Variants in ST3GAL3 observed in about 807,000 individuals in gnomAD.
The protein encoded by ST3GAL3 is CMP-N-acetylneuraminate-beta-1,4-galactoside alpha-2,3-sialyltransferase.
Under a neutral mutation model 50.1 loss-of-function variants are expected in ST3GAL3, and 21 were observed. That is an observed-to-expected ratio of 0.42 (90% CI 0.30 to 0.60). The LOEUF is 0.60. ST3GAL3 is among the 20% of genes least tolerant of loss of function. The probability of loss-of-function intolerance (pLI) is 0.19; values close to 1 mark genes in which losing one functional copy is unlikely to be tolerated. For synonymous variants in ST3GAL3, 183 were observed against 190.0 expected (o/e 0.96, Z 0.30); for missense variants, 353 against 489.4 (o/e 0.72, Z 2.63).
At chr1:43,920,998 G>C in intron 11 of ST3GAL3, 70 bp downstream of exon 11, 1 of 1,531,758 alleles carries the variant, frequency 6.5e-7, no homozygotes, top group Non-Finnish European at 8.8e-7. Context: ...AGTAGTAAAG[G>C]GAGGAGCCAG....
At chr1:43,711,592 A>G (rs1045152268) in intron 1 of ST3GAL3, among the ~76,000 whole-genome samples, 2 of 152,248 alleles carry the variant, frequency 1.3e-5, no homozygotes. Context: ...AAACATTGAC[A>G]GTAGCAAGAA....
rs755042649 is a variant in ST3GAL3, at chr1:43,920,793, C to T, written c.903C>T (p.Thr301=). 6.2e-7 allele frequency: 1 copy of T among 1,614,034 alleles called. No homozygotes were observed. Among genetic ancestry groups the T allele is most frequent in the Non-Finnish European group, 8.5e-7 (1 of 1,180,036 alleles). ...NGLMGRGNIP[T]LGSVAVTMAL... Reference sequence around the variant, plus strand: ...CCCCCGTCTTCTAGAACATCCCTACCCTTGGCAGTGTGGCAGTGACCATGG... The same window carrying T: ...CCCCCGTCTTCTAGAACATCCCTACTCTTGGCAGTGTGGCAGTGACCATGG... The change falls in exon 11 of 12, where the codon ACC becomes ACT. Residue 301 remains threonine, a synonymous_variant. Transcript: ENST00000347631.
At chr1:43,713,151 A>C (rs1451071176) in intron 1 of ST3GAL3, among the ~76,000 whole-genome samples, 1 of 152,212 alleles carries the variant, frequency 6.6e-6, no homozygotes, top group African/African-American at 2.4e-5. Flanking sequence ...ACGGAAGGAT[A>C]GTTACGCTGG....
intron 1 of ST3GAL3, among the ~76,000 whole-genome samples, chr1:43,730,749 T>C (rs549354194): frequency 1.6e-4 from 25 of 151,860 alleles, no homozygotes; most frequent in Non-Finnish European, 2.6e-4. Context: ...TTTTAATTTT[T>C]TTCTGGAGAC....
chr1:43,744,655 AAAATAAATAAATAAAT>A (rs71036638), intron 2 of ST3GAL3, among the ~76,000 whole-genome samples: 46 of 140,962 alleles, frequency 3.3e-4, no homozygotes, highest in African/African-American at 1.1e-3. Context: ...TCCCTCTCAA[AAAATAAATAAATAAAT>A]AAATAAATAA....
chr1:43,805,942 G>A (rs548992399), intron 3 of ST3GAL3, among the ~76,000 whole-genome samples: 106 of 152,078 alleles, frequency 7.0e-4, no homozygotes, highest in Non-Finnish European at 1.1e-3. Context: ...CACCGTGTTG[G>A]TCAGGCTGGT....
chr1:43,883,910 A>G (rs2075561956), intron 5 of ST3GAL3, among the ~76,000 whole-genome samples: 1 of 152,208 alleles, frequency 6.6e-6, no homozygotes, highest in Admixed American at 6.5e-5. Context: ...CAGCTTTGCC[A>G]TTATCTCCTT....
intron 2 of ST3GAL3, among the ~76,000 whole-genome samples, chr1:43,741,289 C>T (rs1345430433): frequency 2.6e-5 from 4 of 152,114 alleles, no homozygotes; most frequent in Admixed American, 1.3e-4. Context: ...GCTGTGGTCA[C>T]GCCACTGTAC....
At chr1:43,787,070 C>T (rs16831180) in intron 2 of ST3GAL3, among the ~76,000 whole-genome samples, 3,139 of 152,282 alleles carry the variant, frequency 0.021, 108 homozygotes, top group African/African-American at 0.072. Flanking sequence ...TATTCCACTT[C>T]GGAAACCAGA....
At position 43,899,181 on chromosome 1, in the gene ST3GAL3, C is replaced by T. The variant is rs1558784546; in HGVS notation, c.475C>T (p.Arg159Cys). The change falls in exon 8 of 12, where the codon CGC becomes TGC. Residue 159 changes from arginine (R) to cysteine (C), a missense_variant. By Grantham distance (180) the Arg-to-Cys change is radical. Transcript: ENST00000347631. The surrounding 1 kb of genome is among the most constrained non-coding windows in gnomAD (Gnocchi z 5.4). ...TPALDSLRCR[R>C]CIIVGNGGVL... is the part of the protein sequence containing the mutation. ...CTCTCCCCTCAGCCTCCGCTGCCGC[C>T]GCTGCATCATCGTGGGCAATGGAGG... is the stretch of plus-strand genomic sequence containing the variant. 6 of 1,614,050 alleles carry T rather than the reference C, an allele frequency of 3.7e-6. No individual in the cohort carries two copies. Among genetic ancestry groups the T allele is most frequent in the Admixed American group, 1.7e-5 (1 of 60,016 alleles).
intron 1 of ST3GAL3, chr1:43,709,607 C>T (rs1240809861): frequency 6.6e-6 from 1 of 151,854 alleles, no homozygotes; most frequent in African/African-American, 2.4e-5. Flanking sequence ...TCTTGAACTC[C>T]TGGGCTCAAG....
chr1:43,815,537 T>C (rs2061128779), intron 4 of ST3GAL3, among the ~76,000 whole-genome samples: 1 of 152,184 alleles, frequency 6.6e-6, no homozygotes, highest in African/African-American at 2.4e-5. Flanking sequence ...TATCTCACTA[T>C]ACTGTAATTG....
chr1:43,754,178 T>G (rs1687207841), intron 2 of ST3GAL3, among the ~76,000 whole-genome samples: 1 of 152,172 alleles, frequency 6.6e-6, no homozygotes. Context: ...AAAACTCATG[T>G]ATAATAGGAA....
At chr1:43,814,213 C>G (rs936762618) in intron 3 of ST3GAL3, among the ~76,000 whole-genome samples, 30 of 152,294 alleles carry the variant, frequency 2.0e-4, no homozygotes, top group East Asian at 3.9e-4. Context: ...CTTACCCCAC[C>G]TGCATTTTCC....
intron 5 of ST3GAL3, chr1:43,850,272 G>C (rs2067036975): frequency 5.5e-5 from 26 of 476,000 alleles, no homozygotes; most frequent in South Asian, 4.2e-4. Flanking sequence ...TGTGGCACCA[G>C]GTGCATCCAG....
chr1:43,729,089 CTTTTT>C (rs71914132), intron 1 of ST3GAL3, among the ~76,000 whole-genome samples: 4 of 117,434 alleles, frequency 3.4e-5, no homozygotes, highest in Admixed American at 1.8e-4. Context: ...AATTATTTTT[CTTTTT>C]TTTTTTTTTT....
chr1:43,832,893 G>C (rs535874262), intron 4 of ST3GAL3, among the ~76,000 whole-genome samples: 5 of 152,212 alleles, frequency 3.3e-5, no homozygotes, highest in Middle Eastern at 3.4e-3. Context: ...TGGATGGAAA[G>C]AGCTCTGTGT....
intron 2 of ST3GAL3, among the ~76,000 whole-genome samples, chr1:43,754,883 A>G (rs1687476810): frequency 6.6e-6 from 1 of 151,798 alleles, no homozygotes; most frequent in Admixed American, 6.6e-5. Flanking sequence ...TTGTGAGGTC[A>G]AGGCTGCACT....
chr1:43,859,885 C>A (rs1317525439), intron 5 of ST3GAL3, among the ~76,000 whole-genome samples: 2 of 152,214 alleles, frequency 1.3e-5, no homozygotes, highest in Non-Finnish European at 2.9e-5. Context: ...CCGTCTCCAT[C>A]ACCCATCCTC....
Sources: allele counts gnomAD v4.1 joint callset (sites outside exome capture counted in the v4.1 genomes callset), GRCh38; gene constraint gnomAD v4.1.1; non-coding constraint Gnocchi (gnomAD v3.1); transcripts MANE v1.5; gene names NCBI Gene and HGNC (gene_info 2026-07-23, HGNC 2026-07-21).